The following ARHGEF10 variants were observed in gnomAD, a reference collection of about 807,000 sequenced individuals.
The protein encoded by ARHGEF10 is Rho guanine nucleotide exchange factor (GEF) 10.
A neutral mutation model predicts 147.4 loss-of-function variants in ARHGEF10; 140 were observed. That is an observed-to-expected ratio of 0.95 (90% CI 0.83 to 1.09). ARHGEF10 has a LOEUF of 1.09. Ranked by LOEUF, ARHGEF10 falls within the 50% of genes least tolerant of loss-of-function variation. ARHGEF10 has a pLI of 0.00. For synonymous variants in ARHGEF10, 902 were observed against 695.8 expected, an observed-to-expected ratio of 1.30 and a Z score of -4.67; for missense variants, 2,222 against 1,752.7, an observed-to-expected ratio of 1.27 and a Z score of -4.78.
At chr8:1,826,425 G>A (rs900809860) in intron 1 of ARHGEF10, among the ~76,000 whole-genome samples, 3 of 148,772 alleles carry the variant, frequency 2.0e-5, no homozygotes, top group Admixed American at 6.7e-5. Flanking sequence ...GTGTGTGTGC[G>A]CTTTGTGTGT....
At chr8:1,854,686 A>G (rs543368550) in intron 2 of ARHGEF10, among the ~76,000 whole-genome samples, 2 of 152,066 alleles carry the variant, frequency 1.3e-5, no homozygotes, top group Non-Finnish European at 2.9e-5. Context: ...TCCCTTGTAT[A>G]GTAGAATTCT....
intron 28 of ARHGEF10, among the ~76,000 whole-genome samples, chr8:1,954,156 C>T (rs1287756413): frequency 6.6e-6 from 1 of 152,014 alleles, no homozygotes; most frequent in Admixed American, 6.5e-5. Context: ...TCCAGTGGCA[C>T]AGTCTCGGCT....
intron 18 of ARHGEF10, among the ~76,000 whole-genome samples, chr8:1,911,929 A>C (rs183152821): frequency 3.9e-4 from 59 of 152,308 alleles, no homozygotes; most frequent in African/African-American, 1.3e-3. Flanking sequence ...TTGGTTTGTC[A>C]CTTCTAAATT....
chr8:1,932,463 T>G (rs1457881128), intron 25 of ARHGEF10, among the ~76,000 whole-genome samples: 1 of 152,166 alleles, frequency 6.6e-6, no homozygotes, highest in African/African-American at 2.4e-5. Context: ...TGCCTGCATG[T>G]GTGTATGTGT....
chr8:1,870,252 T>A (rs1312043565), intron 7 of ARHGEF10: 1 of 131,676 alleles, frequency 7.6e-6, no homozygotes, highest in Non-Finnish European at 1.7e-5. Context: ...TTTTTTTTTT[T>A]TTTTTTTGCT....
chr8:1,907,824 C>T (rs2129181283), intron 17 of ARHGEF10, among the ~76,000 whole-genome samples: 2 of 152,260 alleles, frequency 1.3e-5, no homozygotes, highest in Non-Finnish European at 2.9e-5. Flanking sequence ...AGCGACAGTG[C>T]CCGAAGGTGA....
At chr8:1,944,394 G>T (rs944553848) in intron 26 of ARHGEF10, among the ~76,000 whole-genome samples, 2 of 152,138 alleles carry the variant, frequency 1.3e-5, no homozygotes, top group African/African-American at 4.8e-5. Flanking sequence ...GAAATAAGAG[G>T]CGATGCCATG....
At chr8:1,863,709 A>T (rs1042921422) in intron 4 of ARHGEF10, among the ~76,000 whole-genome samples, 1 of 151,968 alleles carries the variant, frequency 6.6e-6, no homozygotes, top group Non-Finnish European at 1.5e-5. Context: ...CTGTCCTTGG[A>T]TGGTCTAAGT....
At chr8:1,953,827 A>G (rs1016042530) in intron 28 of ARHGEF10, among the ~76,000 whole-genome samples, 5 of 152,044 alleles carry the variant, frequency 3.3e-5, no homozygotes, top group African/African-American at 4.8e-5. Context: ...GTGGGTTACT[A>G]TGTCAGCCAG....
At chr8:1,860,394 C>T (rs1258183745) in intron 4 of ARHGEF10, among the ~76,000 whole-genome samples, 1 of 139,978 alleles carries the variant, frequency 7.1e-6, no homozygotes, top group Non-Finnish European at 1.5e-5. Context: ...ACCTTCCCCC[C>T]TCCTCCTCCT....
Position 1,843,410 on chromosome 8 carries a change from G to A in ARHGEF10, c.11G>A (p.Arg4Gln), listed in dbSNP as rs777269503. MDQ[R>Q]EPLPPAPAEN... ...ATCTGGAGCTGCAGCATGGACCAGCGAGAGCCCCTGCCTCCCGCTCCTGCA... is the reference window on the plus strand; with the variant it reads ...ATCTGGAGCTGCAGCATGGACCAGCAAGAGCCCCTGCCTCCCGCTCCTGCA... Residue 4 changes from arginine (R) to glutamine (Q), a missense_variant, in exon 2 of 29, where the codon CGA becomes CAA. By Grantham distance (43) the Arg-to-Gln change is conservative (BLOSUM62 1). Transcript: ENST00000349830. 8 of 1,613,188 alleles carry A rather than the reference G, an allele frequency of 5.0e-6. No individual in the cohort carries two copies. Among genetic ancestry groups the A allele is most frequent in the Non-Finnish European group, 6.8e-6 (8 of 1,179,980 alleles).
At chr8:1,930,854 C>T (rs1585583210) in intron 25 of ARHGEF10, among the ~76,000 whole-genome samples, 1 of 152,232 alleles carries the variant, frequency 6.6e-6, no homozygotes, top group Admixed American at 6.5e-5. Flanking sequence ...GCACAGGAGC[C>T]GCTCCTGTCT....
In ARHGEF10 at chr8:1,823,989, A is replaced by T. The variant is rs1045326703; in HGVS notation, c.-172A>T. ...TCCGGGACGGACGGGGTCGCGGGGG[A>T]CGCGGGGGACGCGGGGGACGGCGGG... On this transcript the variant is annotated 5_prime_UTR_variant, in exon 1 of 29. Transcript: ENST00000349830. 1.1e-5 allele frequency: 1 copy of T among 92,706 alleles called. No individual in the cohort carries two copies. 5.7% of individuals were successfully genotyped at this position (92,706 alleles called of 1,614,324 possible).
intron 17 of ARHGEF10, among the ~76,000 whole-genome samples, chr8:1,907,405 G>T (rs1369023538): frequency 1.3e-5 from 2 of 152,146 alleles, no homozygotes; most frequent in African/African-American, 4.8e-5. Context: ...TGTTCCACCT[G>T]CCCTGGGAGA....
At chr8:1,844,928 A>G (rs1333092590) in intron 2 of ARHGEF10, among the ~76,000 whole-genome samples, 2 of 152,130 alleles carry the variant, frequency 1.3e-5, no homozygotes, top group Non-Finnish European at 2.9e-5. Flanking sequence ...TGTAATAATA[A>G]TTAGTTGTAA....
At chr8:1,925,110 C>T (rs1349552404) in intron 21 of ARHGEF10, among the ~76,000 whole-genome samples, 173 bp from the exon 22 acceptor site, 1 of 152,198 alleles carries the variant, frequency 6.6e-6, no homozygotes, top group East Asian at 1.9e-4. Context: ...CACGAATATA[C>T]AGCCTATGCT....
At chr8:1,873,510 T>TTGCC (rs36048880) in intron 7 of ARHGEF10, among the ~76,000 whole-genome samples, 25 of 45,210 alleles carry the variant, frequency 5.5e-4, no homozygotes, top group African/African-American at 2.1e-3. Flanking sequence ...CATTTCCTCG[T>TTGCC]TTGAGAGGCG....
chr8:1,922,268 T>TAA (rs751644517), intron 18 of ARHGEF10, among the ~76,000 whole-genome samples: 17 of 136,804 alleles, frequency 1.2e-4, no homozygotes, highest in African/African-American at 1.4e-4. Flanking sequence ...TCTATTCCCT[T>TAA]AAAAAAAAAA....
intron 26 of ARHGEF10, among the ~76,000 whole-genome samples, chr8:1,935,474 C>T (rs1486327941): frequency 6.6e-6 from 1 of 150,702 alleles, no homozygotes; most frequent in Non-Finnish European, 1.5e-5. Flanking sequence ...CCAGTCTCGG[C>T]AACCACTGGT....
Sources: gnomAD v4.1 joint callset for allele counts (sites outside exome capture counted in the v4.1 genomes callset) on GRCh38, gnomAD v4.1.1 for gene constraint, MANE v1.5 for transcripts, NCBI Gene and HGNC (gene_info 2026-07-23, HGNC 2026-07-21) for gene names.